Variants in ACACB observed in about 807,000 individuals in gnomAD.
The protein encoded by ACACB is acetyl-CoA carboxylase beta.
In ACACB, 209 loss-of-function variants were observed where a neutral mutation model predicts 278.8. That is an observed-to-expected ratio of 0.75 (90% confidence interval 0.67 to 0.84). The LOEUF (loss-of-function observed/expected upper bound fraction) is 0.84, where lower values mean the gene tolerates loss of function less well. ACACB is among the 40% of genes least tolerant of loss of function. The pLI is 0.00. For synonymous variants in ACACB, 1,174 were observed against 1,285.6 expected, an observed-to-expected ratio of 0.91 and a Z score of 1.86; for missense variants, 2,850 against 3,269.0, an observed-to-expected ratio of 0.87 and a Z score of 3.13.
chr12:109,160,597 G>C (rs1197963196), intron 2 of ACACB, among the ~76,000 whole-genome samples: 1 of 152,172 alleles, frequency 6.6e-6, no homozygotes, highest in African/African-American at 2.4e-5. Flanking sequence ...TCTCACCCTT[G>C]CCGTGCTGTA....
chr12:109,223,850 C>T lies in ACACB; in HGVS notation c.3828C>T (p.Val1276=). 1 of 1,614,176 alleles carries T rather than the reference C, an allele frequency of 6.2e-7. No homozygotes were observed. The highest frequency in any genetic ancestry group is 8.5e-7 in the Non-Finnish European group (1 of 1,180,012). Residue 1276 remains valine (V), a synonymous_variant, in exon 27 of 53, where the codon GTC becomes GTT. Transcript: ENST00000338432. ...LILSETTIFD[V]LPTFFYHANK... ...TTTCGGAAACAACCATCTTCGACGT[C>T]CTGCCTACTTTCTTCTATCACGCAA...
rs1455519886 is a variant in ACACB, at chr12:109,243,995, A to G, written c.5178+1403A>G. On this transcript the variant is annotated intron_variant, in intron 37 of 52. Transcript: ENST00000338432. ...CATGTGCCATGTTGGTATGGGATCT[A>G]ATTAAACTAAAGAGCTTCTGCACAG... 2.0e-5 allele frequency among the ~76,000 whole-genome samples: 3 copies of G among 152,062 alleles called. No individual in the cohort carries two copies. The East Asian group carries it at 5.8e-4, about 29-fold the overall frequency.
At chr12:109,176,127 G>C (rs377249099) in intron 8 of ACACB, 26 bp from the exon 9 acceptor site, 11 of 1,613,552 alleles carry the variant, frequency 6.8e-6, no homozygotes, top group Non-Finnish European at 9.3e-6. Context: ...AACCTCTAAA[G>C]AGGTCTGTTT....
chr12:109,230,186 G>C (rs1189443671), intron 28 of ACACB, among the ~76,000 whole-genome samples: 1 of 152,188 alleles, frequency 6.6e-6, no homozygotes, highest in Non-Finnish European at 1.5e-5. Context: ...TTGGTTTTAA[G>C]AAGAAAGATG....
chr12:109,184,473 T>C (rs1465894126), intron 11 of ACACB, among the ~76,000 whole-genome samples: 1 of 152,230 alleles, frequency 6.6e-6, no homozygotes, highest in Admixed American at 6.5e-5. Flanking sequence ...AGTGCAATTA[T>C]GACACTTGAG....
chr12:109,166,721 A>C, intron 2 of ACACB, 140 bp from the exon 3 acceptor site: 1 of 759,254 alleles, frequency 1.3e-6, no homozygotes, highest in South Asian at 1.8e-5. Context: ...AAATTGCTTC[A>C]GGGGCTCTGG....
chr12:109,168,519 TAAAAAC>T (rs747671121), intron 4 of ACACB, among the ~76,000 whole-genome samples: 5 of 152,102 alleles, frequency 3.3e-5, no homozygotes, highest in Non-Finnish European at 5.9e-5. Flanking sequence ...TGAAGGTTGT[TAAAAAC>T]AAAAACCTCA....
At chr12:109,264,912 G>A (rs948787657) in intron 50 of ACACB, among the ~76,000 whole-genome samples, 198 bp from the exon 51 acceptor site, 1 of 152,198 alleles carries the variant, frequency 6.6e-6, no homozygotes, top group Non-Finnish European at 1.5e-5. Context: ...ACTATGGCCA[G>A]TCTGGAGTCC....
chr12:109,135,436 A>G (rs1381222623), intron 1 of ACACB, among the ~76,000 whole-genome samples: 2 of 152,028 alleles, frequency 1.3e-5, no homozygotes, highest in Admixed American at 6.6e-5. Flanking sequence ...TATTAGATAT[A>G]TGGTTTGCAA....
At chr12:109,224,015 C>T in intron 27 of ACACB, 111 bp downstream of exon 27, 1 of 916,444 alleles carries the variant, frequency 1.1e-6, no homozygotes, top group Non-Finnish European at 1.8e-6. Flanking sequence ...TGATCCTATC[C>T]TTTTCTCTTC....
At chr12:109,214,030 G>A (rs2045922519) in intron 22 of ACACB, among the ~76,000 whole-genome samples, 1 of 151,984 alleles carries the variant, frequency 6.6e-6, no homozygotes, top group Non-Finnish European at 1.5e-5. Flanking sequence ...CAAGGCAAGA[G>A]GATCACTTGA....
intron 11 of ACACB, among the ~76,000 whole-genome samples, chr12:109,182,927 T>A (rs547382090): frequency 3.3e-5 from 5 of 152,332 alleles, no homozygotes; most frequent in South Asian, 4.1e-4. Flanking sequence ...AGTTTCATAA[T>A]TTCAGGTCTT....
Position 109,235,327 on chromosome 12 carries a change from G to A in ACACB, c.4362G>A (p.Val1454=). 1.9e-6 allele frequency: 3 copies of A among 1,614,050 alleles called. No individual in the cohort carries two copies. The highest frequency in any genetic ancestry group is 1.6e-4 in the Middle Eastern group (1 of 6,062). ...TTTTAATGCAGAAAAATATCCTTGT[G>A]GATTATGGACTCCGACGAATCACAT... The part of the protein sequence containing the change: ...TFVQSKKNIL[V]DYGLRRITFL... The change falls in exon 32 of 53, where the codon GTG becomes GTA. Residue 1454 remains valine, a synonymous_variant. Transcript: ENST00000338432.
intron 11 of ACACB, among the ~76,000 whole-genome samples, chr12:109,184,106 G>A (rs565860035): frequency 6.6e-6 from 1 of 151,416 alleles, no homozygotes; most frequent in East Asian, 1.9e-4. Flanking sequence ...AGGCTGGAGT[G>A]CAGTGGTGCG....
intron 28 of ACACB, among the ~76,000 whole-genome samples, chr12:109,229,424 C>T (rs1423368963): frequency 6.6e-6 from 1 of 152,154 alleles, no homozygotes; most frequent in African/African-American, 2.4e-5. Context: ...CATTCAGGGG[C>T]CCTCTGAGCC....
intron 1 of ACACB, among the ~76,000 whole-genome samples, chr12:109,127,519 A>G (rs2042710200): frequency 1.3e-5 from 2 of 151,880 alleles, no homozygotes; most frequent in South Asian, 4.1e-4. Context: ...GGATGGCTTC[A>G]GCCTGGGAGG....
Position 109,241,300 on chromosome 12 carries a change from G to A in ACACB, c.5022+19G>A, listed in dbSNP as rs375834096. The A allele has an allele frequency of 4.6e-5, 74 of 1,611,506 alleles. No individual in the cohort carries two copies. Among genetic ancestry groups the A allele is most frequent in the Non-Finnish European group, 3.1e-5 (37 of 1,177,942 alleles). ...TGGAAATGTAAGGCTGGCCCGCGCC[G>A]TGGGGGTCTAAGTCAAAGCAGAAGC... On this transcript the variant is annotated intron_variant, in intron 36 of 52. Transcript: ENST00000338432.
chr12:109,242,376 A>C, intron 36 of ACACB, 61 bp from the exon 37 acceptor site: 2 of 1,561,564 alleles, frequency 1.3e-6, no homozygotes, highest in Non-Finnish European at 1.8e-6. Flanking sequence ...CTGGGCAGAA[A>C]TAAATTGGGG....
At chr12:109,173,776 T>C (rs1459400268) in intron 6 of ACACB, among the ~76,000 whole-genome samples, 2 of 152,236 alleles carry the variant, frequency 1.3e-5, no homozygotes, top group African/African-American at 2.4e-5. Context: ...TCTGGCTCTT[T>C]ATAGAAAGAG....
Sources: gnomAD v4.1 joint callset for allele counts (sites outside exome capture counted in the v4.1 genomes callset) on GRCh38, gnomAD v4.1.1 for gene constraint, MANE v1.5 for transcripts, NCBI Gene and HGNC (gene_info 2026-07-23, HGNC 2026-07-21) for gene names.